The following PTPRK variants were observed in gnomAD, a reference collection of about 807,000 sequenced individuals.
The protein encoded by PTPRK is receptor-type tyrosine-protein phosphatase kappa.
In PTPRK, 75 loss-of-function variants were observed where a neutral mutation model predicts 178.0. The ratio of observed to expected loss-of-function variants is 0.42; its 90% CI spans 0.35 to 0.51. The LOEUF (loss-of-function observed/expected upper bound fraction) is 0.51, where lower values mean the gene tolerates loss of function less well. Among genes scored for constraint, PTPRK ranks in the 20% least tolerant of loss-of-function variants. PTPRK has a pLI of 0.02. For missense variants in PTPRK, 1,441 were observed against 1,797.8 expected (o/e 0.80, Z 3.59); for synonymous variants, 637 against 620.6 (o/e 1.03, Z -0.39).
chr6:128,194,118 C>G (rs918584823), intron 6 of PTPRK, among the ~76,000 whole-genome samples: 2 of 148,524 alleles, frequency 1.3e-5, no homozygotes, highest in East Asian at 4.0e-4. Flanking sequence ...CGGAGTCTTG[C>G]TCTGTTGCCC....
intron 13 of PTPRK, 136 bp downstream of exon 13, chr6:128,064,622 T>C (rs1356419089): frequency 7.1e-6 from 8 of 1,124,826 alleles, no homozygotes; most frequent in Non-Finnish European, 9.5e-6. Flanking sequence ...CATTAGTTGT[T>C]AAAGACACCC....
chr6:128,344,656 T>A (rs1412742807), intron 2 of PTPRK, among the ~76,000 whole-genome samples: 1 of 152,026 alleles, frequency 6.6e-6, no homozygotes. Flanking sequence ...GCTGGGACTA[T>A]AGGCACACAC....
At chr6:128,314,365 C>A (rs139548462) in intron 3 of PTPRK, among the ~76,000 whole-genome samples, 1 of 152,310 alleles carries the variant, frequency 6.6e-6, no homozygotes, top group East Asian at 1.9e-4. Flanking sequence ...CAGAAGGGTG[C>A]CTGGCATGGA....
At position 127,969,965 on chromosome 6, in the gene PTPRK, C is replaced by T. The variant is rs141059530; in HGVS notation, c.*262G>A. 45 of 346,118 alleles carry T rather than the reference C, an allele frequency of 1.3e-4. No homozygotes were observed. Among genetic ancestry groups the T allele is most frequent in the African/African-American group, 7.2e-4 (34 of 47,012 alleles). The allele number at this position is 346,118 out of a possible 1,614,324, so 21.4% of individuals were successfully genotyped here. A position where few individuals can be genotyped will look rare whatever the true frequency, so the allele number is the denominator to read the frequency against. ...CATGTTCACTGTACAAACACCAATA[C>T]GTTCTCATTTCAATCTGGTTCTTAT... On this transcript the variant is annotated 3_prime_UTR_variant, in exon 30 of 30. Coordinates refer to ENST00000368226, the MANE Select transcript of PTPRK (RefSeq NM_002844.4).
intron 1 of PTPRK, among the ~76,000 whole-genome samples, chr6:128,443,439 C>A (rs796487216): frequency 2.0e-5 from 3 of 151,906 alleles, no homozygotes; most frequent in African/African-American, 7.2e-5. Context: ...GGAGGAGGAA[C>A]AAAGTGGGAA....
intron 13 of PTPRK, among the ~76,000 whole-genome samples, chr6:128,061,387 G>A (rs1188736714): frequency 6.6e-6 from 1 of 152,126 alleles, no homozygotes; most frequent in East Asian, 1.9e-4. Flanking sequence ...GTGGTAAAAG[G>A]ACACACTGCA....
intron 7 of PTPRK, among the ~76,000 whole-genome samples, chr6:128,097,174 A>C (rs1350889755): frequency 1.3e-5 from 2 of 152,158 alleles, no homozygotes; most frequent in East Asian, 3.9e-4. Context: ...GAATAATCAC[A>C]AGCCAACTGT....
At chr6:128,240,172 A>C in intron 4 of PTPRK, 22 bp from the exon 5 acceptor site, 5 of 1,537,712 alleles carry the variant, frequency 3.3e-6, no homozygotes, top group Non-Finnish European at 4.5e-6. Context: ...GGGAAAAAAA[A>C]ATGTATTTGT....
At chr6:128,513,192 T>C (rs908276557) in intron 1 of PTPRK, among the ~76,000 whole-genome samples, 1 of 152,084 alleles carries the variant, frequency 6.6e-6, no homozygotes, top group Non-Finnish European at 1.5e-5. Context: ...TGATCAGAAA[T>C]ATACTCCAGG....
intron 1 of PTPRK, among the ~76,000 whole-genome samples, chr6:128,399,189 T>G (rs920471249): frequency 6.6e-6 from 1 of 152,146 alleles, no homozygotes; most frequent in Non-Finnish European, 1.5e-5. Context: ...CTGTAAATTC[T>G]TCTCTGTAAA....
At chr6:128,140,772 G>A (rs936068005) in intron 7 of PTPRK, among the ~76,000 whole-genome samples, 3 of 151,884 alleles carry the variant, frequency 2.0e-5, no homozygotes, top group African/African-American at 4.8e-5. Flanking sequence ...TTTCACACTA[G>A]ACAATACTTT....
At chr6:128,512,563 G>T (rs552476429) in intron 1 of PTPRK, among the ~76,000 whole-genome samples, 12 of 152,190 alleles carry the variant, frequency 7.9e-5, no homozygotes, top group Admixed American at 1.3e-4. Context: ...ATAGTAAATG[G>T]ATAACAAAAA....
At chr6:128,155,691 T>G (rs1283445533) in intron 7 of PTPRK, among the ~76,000 whole-genome samples, 1 of 151,806 alleles carries the variant, frequency 6.6e-6, no homozygotes, top group Admixed American at 6.6e-5. Flanking sequence ...GTTACTTCCT[T>G]TGTTTCAATC....
intron 7 of PTPRK, among the ~76,000 whole-genome samples, chr6:128,155,267 C>T (rs1367951955): frequency 6.6e-6 from 1 of 151,620 alleles, no homozygotes; most frequent in Middle Eastern, 3.2e-3. Context: ...TATTAGGAGG[C>T]TCAGAATATT....
intron 3 of PTPRK, among the ~76,000 whole-genome samples, chr6:128,318,873 C>T (rs1156336583): frequency 1.3e-5 from 2 of 152,040 alleles, no homozygotes; most frequent in African/African-American, 2.4e-5. Flanking sequence ...ATTTAGCAAT[C>T]AATTTAAGAA....
At chr6:128,056,532 C>T (rs1006930986) in intron 13 of PTPRK, among the ~76,000 whole-genome samples, 7 of 151,904 alleles carry the variant, frequency 4.6e-5, no homozygotes, top group Middle Eastern at 3.4e-3. Flanking sequence ...TCAAGCTCTT[C>T]TCCTGTCTCA....
At chr6:128,013,468 A>G (rs1353980163) in intron 13 of PTPRK, among the ~76,000 whole-genome samples, 1 of 151,468 alleles carries the variant, frequency 6.6e-6, no homozygotes, top group Non-Finnish European at 1.5e-5. Context: ...CACCTTAAGC[A>G]CACCATGTCC....
chr6:128,401,160 T>C (rs372884055), intron 1 of PTPRK, among the ~76,000 whole-genome samples: 1 of 152,148 alleles, frequency 6.6e-6, no homozygotes, highest in East Asian at 1.9e-4. Context: ...AAATGGTCTG[T>C]TTCTATGATA....
intron 13 of PTPRK, among the ~76,000 whole-genome samples, chr6:128,018,060 T>C (rs1425320776): frequency 6.6e-6 from 1 of 151,472 alleles, no homozygotes; most frequent in Non-Finnish European, 1.5e-5. Context: ...AGTTAATCAT[T>C]TTCCCATAAC....
Sources: gnomAD v4.1 joint callset for allele counts (sites outside exome capture counted in the v4.1 genomes callset) on GRCh38, gnomAD v4.1.1 for gene constraint, MANE v1.5 for transcripts, NCBI Gene and HGNC (gene_info 2026-07-23, HGNC 2026-07-21) for gene names.